Variants in MALRD1 observed in about 807,000 individuals in gnomAD.
MALRD1 encodes the protein MAM and LDL-receptor class A domain-containing protein 1.
In MALRD1, 247 loss-of-function variants were observed where a neutral mutation model predicts 242.1. The observed-to-expected ratio is 1.02, with a 90% CI of 0.92 to 1.13. The LOEUF (loss-of-function observed/expected upper bound fraction) is 1.13. MALRD1 is among the 50% of genes most tolerant of loss of function. The probability of loss-of-function intolerance (pLI) is 0.00; values close to 1 mark genes in which losing one functional copy is unlikely to be tolerated. For missense variants in MALRD1, 2,989 were observed against 2,533.1 expected (o/e 1.18, Z -3.86); for synonymous variants, 995 against 866.6 (o/e 1.15, Z -2.60).
intron 36 of MALRD1, among the ~76,000 whole-genome samples, chr10:19,685,415 A>G (rs1482528890): frequency 6.6e-6 from 1 of 152,224 alleles, no homozygotes; most frequent in Non-Finnish European, 1.5e-5. Context: ...TTATGAACAC[A>G]GGATTATTGA....
intron 19 of MALRD1, among the ~76,000 whole-genome samples, chr10:19,259,022 A>C (rs1052930650): frequency 6.6e-6 from 1 of 152,062 alleles, no homozygotes; most frequent in Non-Finnish European, 1.5e-5. Flanking sequence ...GTGTCTATGC[A>C]TGGATTATTG....
intron 29 of MALRD1, among the ~76,000 whole-genome samples, chr10:19,483,852 A>G (rs1411353127): frequency 6.6e-6 from 1 of 152,208 alleles, no homozygotes; most frequent in African/African-American, 2.4e-5. Flanking sequence ...ACCATTCTCA[A>G]TAGCAAGGAC....
intron 29 of MALRD1, among the ~76,000 whole-genome samples, chr10:19,458,903 T>TA (rs1209530291): frequency 2.0e-5 from 3 of 151,970 alleles, no homozygotes; most frequent in Admixed American, 1.3e-4. Flanking sequence ...TATATATATA[T>TA]ATATATGTGC....
chr10:19,303,288 G>A (rs887958185), intron 21 of MALRD1, among the ~76,000 whole-genome samples: 5 of 151,488 alleles, frequency 3.3e-5, no homozygotes, highest in Admixed American at 3.3e-4. Flanking sequence ...TTACTACAGA[G>A]ACAACAATTC....
chr10:19,335,385 T>C (rs932641125), intron 24 of MALRD1, among the ~76,000 whole-genome samples: 5 of 152,074 alleles, frequency 3.3e-5, no homozygotes, highest in African/African-American at 1.2e-4. Flanking sequence ...TAACATAGCA[T>C]TGCTAATTTT....
At chr10:19,264,406 C>A (rs1015297478) in intron 19 of MALRD1, among the ~76,000 whole-genome samples, 2 of 151,192 alleles carry the variant, frequency 1.3e-5, no homozygotes, top group Non-Finnish European at 2.9e-5. Flanking sequence ...CTTGTAGTCT[C>A]CTTTTCTGGC....
intron 28 of MALRD1, among the ~76,000 whole-genome samples, chr10:19,427,040 A>G (rs972809565): frequency 6.6e-6 from 1 of 152,092 alleles, no homozygotes; most frequent in African/African-American, 2.4e-5. Flanking sequence ...GTGCACTACA[A>G]TTTGCTTAAT....
chr10:19,670,149 A>G (rs938071732), intron 36 of MALRD1, among the ~76,000 whole-genome samples: 1 of 152,134 alleles, frequency 6.6e-6, no homozygotes, highest in African/African-American at 2.4e-5. Context: ...ACTGCCTTAA[A>G]GTTTCACTAC....
intron 28 of MALRD1, 82 bp downstream of exon 28, chr10:19,389,691 G>T (rs1005567805): frequency 9.6e-5 from 133 of 1,384,750 alleles, no homozygotes; most frequent in Non-Finnish European, 1.3e-4. Context: ...TCAGGCTGCA[G>T]TGCAGTGGTG....
intron 5 of MALRD1, among the ~76,000 whole-genome samples, chr10:19,118,029 A>T (rs911884133): frequency 6.6e-6 from 1 of 152,340 alleles, no homozygotes; most frequent in Admixed American, 6.5e-5. Flanking sequence ...AATAAAAAAT[A>T]TAGTTTATGT....
intron 38 of MALRD1, among the ~76,000 whole-genome samples, chr10:19,718,380 G>A (rs935449795): frequency 6.6e-6 from 1 of 152,162 alleles, no homozygotes; most frequent in East Asian, 1.9e-4. Context: ...TTTTACTAAT[G>A]GCAGAAGGCA....
At chr10:19,166,388 G>T (rs1158214280) in intron 13 of MALRD1, among the ~76,000 whole-genome samples, 1 of 152,180 alleles carries the variant, frequency 6.6e-6, no homozygotes, top group East Asian at 1.9e-4. Flanking sequence ...ATCTCATGGA[G>T]GTAGAGAGGA....
intron 18 of MALRD1, among the ~76,000 whole-genome samples, chr10:19,212,061 GA>G (rs2131636470): frequency 1.3e-5 from 2 of 152,228 alleles, no homozygotes; most frequent in South Asian, 4.2e-4. Context: ...AAAGGCTCAG[GA>G]AATCATTACA....
chr10:19,248,963 A>G (rs955735625), intron 18 of MALRD1, among the ~76,000 whole-genome samples: 3 of 146,974 alleles, frequency 2.0e-5, no homozygotes, highest in African/African-American at 7.4e-5. Flanking sequence ...TATATATTAT[A>G]TATTTTGTAA....
chr10:19,533,738 C>G (rs1299520858), intron 32 of MALRD1, among the ~76,000 whole-genome samples: 1 of 152,156 alleles, frequency 6.6e-6, no homozygotes, highest in African/African-American at 2.4e-5. Flanking sequence ...CATGACAGAT[C>G]TGCCCCCATG....
At chr10:19,632,314 C>T (rs1170994224) in intron 36 of MALRD1, among the ~76,000 whole-genome samples, 1 of 152,098 alleles carries the variant, frequency 6.6e-6, no homozygotes, top group Admixed American at 6.6e-5. Flanking sequence ...TGTCCTTCCA[C>T]CTTCCAATCT....
intron 21 of MALRD1, among the ~76,000 whole-genome samples, chr10:19,295,462 G>GGTGTGTGT (rs10685643): frequency 1.6e-4 from 24 of 149,108 alleles, no homozygotes; most frequent in East Asian, 7.9e-4. Flanking sequence ...GTATGTTTTG[G>GGTGTGTGT]GTGTGTGTGT....
rs952086735 is a variant in MALRD1 at position 19,734,329 on chromosome 10, A to G, written c.*92A>G. 3 of 1,068,728 alleles carry G rather than the reference A, an allele frequency of 2.8e-6. No individual in the cohort carries two copies. The highest frequency in any genetic ancestry group is 4.0e-6 in the Non-Finnish European group (3 of 742,002). The allele number at this position is 1,068,728 out of a possible 1,614,324, so 66.2% of individuals were successfully genotyped here. A position where few individuals can be genotyped will look rare whatever the true frequency, so the allele number is the denominator to read the frequency against. ...TAGAAACTCATCTTCTACAATGGTA[A>G]AAAGAGAAAGGATTGTAAATGCCAG... is the stretch of plus-strand genomic sequence containing the variant. On this transcript the variant is annotated 3_prime_UTR_variant, in exon 40 of 40. Coordinates refer to ENST00000454679, the MANE Select transcript of MALRD1 (RefSeq NM_001142308.3).
At chr10:19,513,500 G>A (rs1474040786) in intron 31 of MALRD1, among the ~76,000 whole-genome samples, 4 of 151,616 alleles carry the variant, frequency 2.6e-5, no homozygotes, top group Non-Finnish European at 5.9e-5. Context: ...AGCACTTTGG[G>A]AGGCCGAGGC....
Sources: gnomAD v4.1 joint callset for allele counts (sites outside exome capture counted in the v4.1 genomes callset) on GRCh38, gnomAD v4.1.1 for gene constraint, MANE v1.5 for transcripts, NCBI Gene and HGNC (gene_info 2026-07-23, HGNC 2026-07-21) for gene names.